Variants in CDS2 observed in about 807,000 individuals in gnomAD.
The protein encoded by CDS2 is phosphatidate cytidylyltransferase 2.
In CDS2, 47 loss-of-function variants were observed where a neutral mutation model predicts 59.0. The observed-to-expected ratio is 0.80, with a 90% confidence interval of 0.63 to 1.02. The LOEUF is 1.02. CDS2 is among the 50% of genes least tolerant of loss of function. The pLI, the probability that CDS2 is intolerant of heterozygous loss-of-function variation, is 0.00. For missense variants in CDS2, 356 were observed against 558.9 expected (o/e 0.64, Z 3.66); for synonymous variants, 207 against 206.4 (o/e 1.00, Z -0.02).
intron 5 of CDS2, among the ~76,000 whole-genome samples, 165 bp downstream of exon 5, chr20:5,179,121 CTTTTT>C (rs34544851): frequency 1.5e-5 from 2 of 130,284 alleles, no homozygotes. Flanking sequence ...CAGCTGTTAC[CTTTTT>C]TTTTTTTTTT....
intron 7 of CDS2, among the ~76,000 whole-genome samples, chr20:5,183,654 A>G (rs1338101020): frequency 6.6e-6 from 1 of 152,250 alleles, no homozygotes; most frequent in African/African-American, 2.4e-5. Flanking sequence ...TACCAAAGCC[A>G]ATGAGGAGAG....
chr20:5,186,392 C>A (rs935308405), intron 9 of CDS2, among the ~76,000 whole-genome samples: 1 of 152,154 alleles, frequency 6.6e-6, no homozygotes, highest in African/African-American at 2.4e-5. Flanking sequence ...GTCCTAGCTC[C>A]CCAAATGGGG....
At position 5,175,342 on chromosome 20, in the gene CDS2, T is replaced by C; in HGVS notation, c.291+63T>C. 2.3e-6 allele frequency: 3 copies of C among 1,298,388 alleles called. No homozygotes were observed. The South Asian group carries it at 3.6e-5, about 15-fold the overall frequency. The allele number at this position is 1,298,388 out of a possible 1,614,324, so 80.4% of individuals were successfully genotyped here. On this transcript the variant is annotated intron_variant, in intron 3 of 12. Coordinates refer to ENST00000460006, the MANE Select transcript of CDS2 (RefSeq NM_003818.4). ...GTTTTTGCTGCAGGCCCGGTTGTCTTAAGTGCGAGGTGTTGGGTTGGTTGT... is the reference window on the plus strand; with the variant it reads ...GTTTTTGCTGCAGGCCCGGTTGTCTCAAGTGCGAGGTGTTGGGTTGGTTGT...
At chr20:5,173,385 G>A in intron 1 of CDS2, 138 bp from the exon 2 acceptor site, 1 of 903,550 alleles carries the variant, frequency 1.1e-6, no homozygotes, top group Non-Finnish European at 1.7e-6. Context: ...AGTCCTGTCA[G>A]TCCCATCACC....
Position 5,185,783 on chromosome 20 carries a change from G to T in CDS2, c.785G>T (p.Gly262Val). ...CTGTCCCCGAAGAAGACCTGGGAAG[G>T]CTTCATTGGGGGCTTCTTTGCTACT... is the stretch of plus-strand genomic sequence containing the variant. The part of the protein sequence containing the change: ...IKLSPKKTWE[G>V]FIGGFFATVV... Residue 262 changes from glycine to valine, a missense_variant, in exon 9 of 13, where the codon GGC becomes GTC. Coordinates refer to ENST00000460006, the MANE Select transcript of CDS2 (RefSeq NM_003818.4). 1 of 1,614,234 alleles carries T rather than the reference G, an allele frequency of 6.2e-7. No homozygotes were observed. Among genetic ancestry groups the T allele is most frequent in the Non-Finnish European group, 8.5e-7 (1 of 1,180,034 alleles).
In CDS2 at chr20:5,141,340, A is replaced by G. The variant is rs548300877; in HGVS notation, c.57+14191A>G. Among the ~76,000 whole-genome samples, 8 of 152,332 alleles carry G rather than the reference A, an allele frequency of 5.3e-5. No homozygotes were observed. The South Asian group carries it at 1.7e-3, about 32-fold the overall frequency. On this transcript the variant is annotated intron_variant, in intron 1 of 12. Coordinates refer to ENST00000460006, the MANE Select transcript of CDS2 (RefSeq NM_003818.4). ...TAGTCACATTTCTGCATGGTTGTCCATGCAATGTGTGCATCTAATGAAGTC... is the reference window on the plus strand; with the variant it reads ...TAGTCACATTTCTGCATGGTTGTCCGTGCAATGTGTGCATCTAATGAAGTC...
intron 1 of CDS2, among the ~76,000 whole-genome samples, chr20:5,139,187 C>T (rs934375354): frequency 6.6e-6 from 1 of 152,110 alleles, no homozygotes; most frequent in African/African-American, 2.4e-5. Context: ...GCTAAAAGTA[C>T]AAAAATTAGC....
chr20:5,139,548 T>C (rs1029520058), intron 1 of CDS2, among the ~76,000 whole-genome samples: 1 of 152,210 alleles, frequency 6.6e-6, no homozygotes, highest in African/African-American at 2.4e-5. Context: ...ATGCTCTTTA[T>C]TTCTTTCTCT....
chr20:5,178,978 AT>A (rs759479074), intron 5 of CDS2, 22 bp downstream of exon 5: 155 of 1,609,864 alleles, frequency 9.6e-5, no homozygotes, highest in Middle Eastern at 1.7e-4. Context: ...GCAGTTCACC[AT>A]TTCTTGTGTC....
chr20:5,182,604 T>C (rs758978111), intron 6 of CDS2, among the ~76,000 whole-genome samples, 159 bp downstream of exon 6: 2 of 152,196 alleles, frequency 1.3e-5, no homozygotes, highest in Non-Finnish European at 2.9e-5. Flanking sequence ...CCATTTAGGT[T>C]TAATGGCTCT....
In CDS2 at chr20:5,127,094, TGACA is replaced by T; in HGVS notation, c.5_8del (p.Thr2_?3). Reference sequence around the variant, plus strand: ...CGACGTCGGGCCGATTTTCCCAGGATGACAGAGCTGAGGCAGAGGGTGGCCCATG... The same window carrying T: ...CGACGTCGGGCCGATTTTCCCAGGATGAGCTGAGGCAGAGGGTGGCCCATG... On this transcript the variant is annotated frameshift_variant and start_lost, in exon 1 of 13. Transcript: ENST00000460006. LOFTEE classifies it high-confidence loss of function. 1.3e-6 allele frequency: 2 copies of T among 1,497,894 alleles called. No homozygotes were observed. Among genetic ancestry groups the T allele is most frequent in the Non-Finnish European group, 1.8e-6 (2 of 1,123,098 alleles). The allele number at this position is 1,497,894 out of a possible 1,614,324, so 92.8% of individuals were successfully genotyped here.
chr20:5,153,748 T>G (rs2090810909), intron 1 of CDS2, among the ~76,000 whole-genome samples: 1 of 152,226 alleles, frequency 6.6e-6, no homozygotes. Flanking sequence ...TTTATCACTC[T>G]CCCTTAATGT....
chr20:5,182,240 AT>A (rs2091037432), intron 5 of CDS2, 146 bp from the exon 6 acceptor site: 3 of 505,470 alleles, frequency 5.9e-6, no homozygotes, highest in Admixed American at 4.1e-5. Flanking sequence ...TATCTGGGTA[AT>A]GTTTTTCTCC....
intron 1 of CDS2, among the ~76,000 whole-genome samples, chr20:5,131,844 A>G (rs78904976): frequency 0.037 from 5,658 of 152,328 alleles, 327 homozygotes; most frequent in African/African-American, 0.13. Context: ...TATGTGCTTT[A>G]CAGGATATTC....
intron 1 of CDS2, among the ~76,000 whole-genome samples, chr20:5,138,000 T>A (rs2090662226): frequency 6.6e-6 from 1 of 151,848 alleles, no homozygotes; most frequent in Non-Finnish European, 1.5e-5. Context: ...GGTTTCGCTA[T>A]GTTAGCCAGG....
At chr20:5,130,459 C>CA (rs1204433021) in intron 1 of CDS2, among the ~76,000 whole-genome samples, 1 of 151,654 alleles carries the variant, frequency 6.6e-6, no homozygotes, top group East Asian at 1.9e-4. Context: ...ATCCAGTGAA[C>CA]AATTTTCAAG....
At chr20:5,168,422 A>C (rs997590466) in intron 1 of CDS2, among the ~76,000 whole-genome samples, 3 of 137,970 alleles carry the variant, frequency 2.2e-5, no homozygotes, top group African/African-American at 8.1e-5. Context: ...CCCCCCAAAA[A>C]AAAAAAAAAA....
At chr20:5,127,282 C>A in intron 1 of CDS2, 133 bp downstream of exon 1, 1 of 773,536 alleles carries the variant, frequency 1.3e-6, no homozygotes, top group Non-Finnish European at 1.8e-6. Context: ...GCCCGGGTAG[C>A]GCGAAGGGCC....
At chr20:5,154,581 C>A (rs1208407695) in intron 1 of CDS2, among the ~76,000 whole-genome samples, 5 of 152,170 alleles carry the variant, frequency 3.3e-5, no homozygotes, top group African/African-American at 1.2e-4. Flanking sequence ...TTTTGAAGTG[C>A]CAGTGTCTGA....
Sources: gnomAD v4.1 joint callset for allele counts (sites outside exome capture counted in the v4.1 genomes callset) on GRCh38, gnomAD v4.1.1 for gene constraint, MANE v1.5 for transcripts, NCBI Gene and HGNC (gene_info 2026-07-23, HGNC 2026-07-21) for gene names.